The following EID2B variants were observed in gnomAD, a reference collection of about 807,000 sequenced individuals.
The protein encoded by EID2B is EP300 interacting inhibitor of differentiation 2B, also known as EP300-interacting inhibitor of differentiation 2B.
EID2B carries 6 observed loss-of-function variants against 5.9 expected under a neutral mutation model. That is an observed-to-expected ratio of 1.01 (90% CI 0.55 to 2.00). The LOEUF is 2.00. Among genes scored for constraint, EID2B ranks in the 30% most tolerant of loss-of-function variants. EID2B has a pLI of 0.00. For synonymous variants in EID2B, 94 were observed against 104.2 expected (o/e 0.90, Z 0.60); for missense variants, 234 against 228.1 (o/e 1.03, Z -0.17).
chr19:39,532,194 C>A lies in EID2B; in HGVS notation c.*123G>T. The A allele has an allele frequency of 1.7e-6, 2 of 1,201,430 alleles. No individual in the cohort carries two copies. The highest frequency in any genetic ancestry group is 2.3e-6 in the Non-Finnish European group (2 of 864,186). 74.4% of individuals were successfully genotyped at this position (1,201,430 alleles called of 1,614,324 possible). On this transcript the variant is annotated 3_prime_UTR_variant, in exon 1 of 1. Transcript: ENST00000326282. ...TCCTTCAATTGCACATTGCCGTATTCCCTTCCAGTTTGCATTCCCCCTAAT... is the reference window on the plus strand; with the variant it reads ...TCCTTCAATTGCACATTGCCGTATTACCTTCCAGTTTGCATTCCCCCTAAT...
In EID2B at chr19:39,532,817, T is replaced by C. The variant is rs551774889; in HGVS notation, c.-15A>G. 1 of 1,606,706 alleles carries C rather than the reference T, an allele frequency of 6.2e-7. No individual in the cohort carries two copies. The highest frequency in any genetic ancestry group is 8.5e-7 in the Non-Finnish European group (1 of 1,179,780). ...GGCTCCGCCATAGTCCCAGCGTTTC[T>C]ACGGAGACTGGAATAACGGCACTGC... On this transcript the variant is annotated 5_prime_UTR_variant, in exon 1 of 1. Coordinates refer to ENST00000326282, the MANE Select transcript of EID2B (RefSeq NM_152361.3).
Position 39,532,265 on chromosome 19 carries a change from C to T in EID2B, c.*52G>A. ...CACAGCCTGCCTGTTCTTTTGATCC[C>T]AAAAGGGTCACTTGGCTATTCCTTG... On this transcript the variant is annotated 3_prime_UTR_variant, in exon 1 of 1. Coordinates refer to ENST00000326282, the MANE Select transcript of EID2B (RefSeq NM_152361.3). 1 of 1,580,020 alleles carries T rather than the reference C, an allele frequency of 6.3e-7. No homozygotes were observed. The highest frequency in any genetic ancestry group is 2.3e-5 in the East Asian group (1 of 44,332).
rs528320963 is a variant in EID2B at position 39,532,142 on chromosome 19, T to C, written c.*175A>G. 49 of 702,908 alleles carry C rather than the reference T, an allele frequency of 7.0e-5. No individual in the cohort carries two copies. The highest frequency in any genetic ancestry group is 9.8e-5 in the Non-Finnish European group (42 of 427,980). 43.5% of individuals were successfully genotyped at this position (702,908 alleles called of 1,614,324 possible). On this transcript the variant is annotated 3_prime_UTR_variant, in exon 1 of 1. Coordinates refer to ENST00000326282, the MANE Select transcript of EID2B (RefSeq NM_152361.3). Reference sequence around the variant, plus strand: ...AAGAAAACAAGATTCAACAGTCTTGTCTGTTTCCATTTCGGAGTGTGCTTC... The same window carrying C: ...AAGAAAACAAGATTCAACAGTCTTGCCTGTTTCCATTTCGGAGTGTGCTTC...
At position 39,532,661 on chromosome 19, in the gene EID2B, C is replaced by G. The variant is rs1396045579; in HGVS notation, c.142G>C (p.Gly48Arg). 1.9e-6 allele frequency: 3 copies of G among 1,607,138 alleles called. No homozygotes were observed. The highest frequency in any genetic ancestry group is 2.2e-5 in the South Asian group (2 of 90,556). ...GACCGCGCAGCTTCGGCCACTGGGC[C>G]TTCCCGAGCCTCCTGCACCCGAACC... Reference protein sequence around the residue: ...GGVRVQEAREGPVAEAARSMA... With the variant: ...GGVRVQEARERPVAEAARSMA... The change falls in exon 1 of 1, where the codon GGC becomes CGC. Residue 48 changes from glycine (G) to arginine (R), a missense_variant. Gly to Arg is a moderately radical substitution (Grantham distance 125, BLOSUM62 -2). Coordinates refer to ENST00000326282, the MANE Select transcript of EID2B (RefSeq NM_152361.3).
In EID2B at chr19:39,532,344, G is replaced by A. The variant is rs766683534; in HGVS notation, c.459C>T (p.Ser153=). ...AVAFTVALTA[S]EALSPLAD Reference sequence around the variant, plus strand: ...AGTCGGCCAGAGGACTGAGGGCCTCGGAGGCAGTCAGCGCTACCGTAAACG... The same window carrying A: ...AGTCGGCCAGAGGACTGAGGGCCTCAGAGGCAGTCAGCGCTACCGTAAACG... The change falls in exon 1 of 1, where the codon TCC becomes TCT. Residue 153 remains serine, a synonymous_variant. Coordinates refer to ENST00000326282, the MANE Select transcript of EID2B (RefSeq NM_152361.3). 6.2e-7 allele frequency: 1 copy of A among 1,613,744 alleles called. No individual in the cohort carries two copies. The highest frequency in any genetic ancestry group is 8.5e-7 in the Non-Finnish European group (1 of 1,179,842).
rs756813648 is a variant in EID2B at position 39,532,369 on chromosome 19, G to A, written c.434C>T (p.Ala145Val). 2 of 1,614,006 alleles carry A rather than the reference G, an allele frequency of 1.2e-6. No individual in the cohort carries two copies. Among genetic ancestry groups the A allele is most frequent in the Admixed American group, 1.7e-5 (1 of 60,000 alleles). The change falls in exon 1 of 1, where the codon GCG (alanine) becomes GTG (valine). Residue 145 changes from alanine (A) to valine (V), a missense_variant. Transcript: ENST00000326282. ...GGAGGCAGTCAGCGCTACCGTAAACGCGACAGCAGCGAAGTCCATCTGCGG... is the reference window on the plus strand; with the variant it reads ...GGAGGCAGTCAGCGCTACCGTAAACACGACAGCAGCGAAGTCCATCTGCGG... ...DPPQMDFAAV[A>V]FTVALTASEA...
chr19:39,532,016 T>C lies in EID2B; in HGVS notation c.*301A>G, dbSNP rs971455236. The C allele has an allele frequency of 1.8e-5, 6 of 326,254 alleles. No individual in the cohort carries two copies. Among genetic ancestry groups the C allele is most frequent in the Non-Finnish European group, 2.8e-5 (5 of 176,968 alleles). The allele number at this position is 326,254 out of a possible 1,614,324, so 20.2% of individuals were successfully genotyped here. A position where few individuals can be genotyped will look rare whatever the true frequency, so the allele number is the denominator to read the frequency against. ...ACGCCTGTAAAGTAATCCCAGCACTTTGGGAGGCCGAAGCGGGAGGATCGC... is the reference window on the plus strand; with the variant it reads ...ACGCCTGTAAAGTAATCCCAGCACTCTGGGAGGCCGAAGCGGGAGGATCGC... On this transcript the variant is annotated 3_prime_UTR_variant, in exon 1 of 1. Coordinates refer to ENST00000326282, the MANE Select transcript of EID2B (RefSeq NM_152361.3).
In EID2B at chr19:39,532,426, T is replaced by C; in HGVS notation, c.377A>G (p.Lys126Arg). The change falls in exon 1 of 1, where the codon AAG becomes AGG. Residue 126 changes from lysine to arginine, a missense_variant. Coordinates refer to ENST00000326282, the MANE Select transcript of EID2B (RefSeq NM_152361.3). ...ERRRLFVEGC[K>R]AREAAFDADP... Reference sequence around the variant, plus strand: ...CGCGTCAAAGGCTGCTTCCCTCGCCTTGCAGCCTTCCACAAACAGCCTGCG... The same window carrying C: ...CGCGTCAAAGGCTGCTTCCCTCGCCCTGCAGCCTTCCACAAACAGCCTGCG... 6.2e-7 allele frequency: 1 copy of C among 1,614,180 alleles called. No homozygotes were observed. The highest frequency in any genetic ancestry group is 2.2e-5 in the East Asian group (1 of 44,884).
rs1389173360 is a variant in EID2B at position 39,532,639 on chromosome 19, C to G, written c.164G>C (p.Arg55Pro). The change falls in exon 1 of 1, where the codon CGG (arginine) becomes CCG (proline). Residue 55 changes from arginine to proline, a missense_variant. Coordinates refer to ENST00000326282, the MANE Select transcript of EID2B (RefSeq NM_152361.3). ...AGGGCCCGGCATCCGCGCCATGGAC[C>G]GCGCAGCTTCGGCCACTGGGCCTTC... is the stretch of plus-strand genomic sequence containing the variant. ...AREGPVAEAA[R>P]SMARMPGPVP... 4 of 1,607,604 alleles carry G rather than the reference C, an allele frequency of 2.5e-6. No homozygotes were observed. The South Asian group carries it at 4.4e-5, about 18-fold the overall frequency.
Position 39,532,665 on chromosome 19 carries a change from C to T in EID2B, c.138G>A (p.Arg46=), listed in dbSNP as rs1314254006. The change falls in exon 1 of 1, where the codon CGG becomes CGA. Residue 46 remains arginine (R), a synonymous_variant. Coordinates refer to ENST00000326282, the MANE Select transcript of EID2B (RefSeq NM_152361.3). The part of the protein sequence containing the change: ...VGGGVRVQEA[R]EGPVAEAARS... ...GCGCAGCTTCGGCCACTGGGCCTTC[C>T]CGAGCCTCCTGCACCCGAACCCCGC... The T allele has an allele frequency of 5.6e-6, 9 of 1,607,354 alleles. No individual in the cohort carries two copies. The highest frequency in any genetic ancestry group is 1.1e-5 in the South Asian group (1 of 90,542).
In EID2B at chr19:39,532,706, G is replaced by A; in HGVS notation, c.97C>T (p.Arg33Trp). 6.2e-7 allele frequency: 1 copy of A among 1,608,930 alleles called. No homozygotes were observed. The highest frequency in any genetic ancestry group is 8.5e-7 in the Non-Finnish European group (1 of 1,178,410). Residue 33 changes from arginine (R) to tryptophan (W), a missense_variant, in exon 1 of 1, where the codon CGG becomes TGG. Transcript: ENST00000326282. ...CGAACCCCGCCGCCGACTGCCCCCC[G>A]CAGTACGTCGCTGACGCCACTCGCG... ...GTASGVSDVL[R>W]GAVGGGVRVQ...
Position 39,532,780 on chromosome 19 carries a change from A to G in EID2B, c.23T>C (p.Leu8Ser), listed in dbSNP as rs1441058213. ...ATCTCCGGGGAGCTCGGACATCTCC[A>G]ACAGCCCAGTCGGCTCCGCCATAGT... MAEPTGL[L>S]EMSELPGDSS... is the part of the protein sequence containing the mutation. Residue 8 changes from leucine (L) to serine (S), a missense_variant, in exon 1 of 1, where the codon TTG (leucine) becomes TCG (serine). By Grantham distance (145) the Leu-to-Ser change is moderately radical. Transcript: ENST00000326282. 1 of 1,611,222 alleles carries G rather than the reference A, an allele frequency of 6.2e-7. No individual in the cohort carries two copies. Among genetic ancestry groups the G allele is most frequent in the African/African-American group, 1.3e-5 (1 of 74,948 alleles).
At position 39,531,795 on chromosome 19, in the gene EID2B, T is replaced by C. The variant is rs1030712916; in HGVS notation, c.*522A>G. 6.6e-6 allele frequency: 1 copy of C among 152,262 alleles called. No homozygotes were observed. Among genetic ancestry groups the C allele is most frequent in the African/African-American group, 2.4e-5 (1 of 41,432 alleles). The allele number at this position is 152,262 out of a possible 1,614,324, so 9.4% of individuals were successfully genotyped here. A position where few individuals can be genotyped will look rare whatever the true frequency, so the allele number is the denominator to read the frequency against. Reference sequence around the variant, plus strand: ...TGACAACTCTATTTCTTTGTTTTCTTTCATCACTTAGGTTCATTTCTATGG... The same window carrying C: ...TGACAACTCTATTTCTTTGTTTTCTCTCATCACTTAGGTTCATTTCTATGG... On this transcript the variant is annotated 3_prime_UTR_variant, in exon 1 of 1. Transcript: ENST00000326282.
chr19:39,532,603 G>A lies in EID2B; in HGVS notation c.200C>T (p.Pro67Leu), dbSNP rs771088143. 2 of 1,611,772 alleles carry A rather than the reference G, an allele frequency of 1.2e-6. No homozygotes were observed. Among genetic ancestry groups the A allele is most frequent in the African/African-American group, 2.7e-5 (2 of 75,004 alleles). ...CAGGCCCGGGACGCTGCTGGGGATG[G>A]GCCCGGGCACAGGGCCCGGCATCCG... ...MARMPGPVPG[P>L]IPSSVPGLAS... The change falls in exon 1 of 1, where the codon CCC (proline) becomes CTC (leucine). Residue 67 changes from proline (P) to leucine (L), a missense_variant. Physicochemically the swap from Pro to Leu is moderately conservative, Grantham distance 98 (BLOSUM62 -3). Transcript: ENST00000326282.
chr19:39,532,585 G>A lies in EID2B; in HGVS notation c.218C>T (p.Pro73Leu), dbSNP rs1458577439. The part of the protein sequence containing the change: ...PVPGPIPSSV[P>L]GLASAPDPHQ... ...GGGGTCTGGCGCGGAGGCCAGGCCC[G>A]GGACGCTGCTGGGGATGGGCCCGGG... Residue 73 changes from proline (P) to leucine (L), a missense_variant, in exon 1 of 1, where the codon CCG (proline) becomes CTG (leucine). Pro to Leu is a moderately conservative substitution (Grantham distance 98). Coordinates refer to ENST00000326282, the MANE Select transcript of EID2B (RefSeq NM_152361.3). The A allele has an allele frequency of 1.9e-6, 3 of 1,613,210 alleles. No homozygotes were observed. The highest frequency in any genetic ancestry group is 2.2e-5 in the East Asian group (1 of 44,878).
Position 39,532,803 on chromosome 19 carries a change from A to G in EID2B, c.-1T>C. 6.2e-7 allele frequency: 1 copy of G among 1,609,142 alleles called. No individual in the cohort carries two copies. The highest frequency in any genetic ancestry group is 8.5e-7 in the Non-Finnish European group (1 of 1,179,878). ...CCAACAGCCCAGTCGGCTCCGCCAT[A>G]GTCCCAGCGTTTCTACGGAGACTGG... On this transcript the variant is annotated 5_prime_UTR_variant, in exon 1 of 1. Transcript: ENST00000326282.
Position 39,532,760 on chromosome 19 carries a change from CG to C in EID2B, c.42del (p.Gly15GlufsTer74). 1 of 1,611,754 alleles carries C rather than the reference CG, an allele frequency of 6.2e-7. No individual in the cohort carries two copies. ...CCCACCTGTGGGACACTGCTATCTC[CG>C]GGGAGCTCGGACATCTCCAACAGCC... Reference protein sequence around the residue: ...PTGLLEMSELPGDSSVPQVGT... With the variant: ...PTGLLEMSELXGDSSVPQVGT... On this transcript the variant is annotated frameshift_variant, in exon 1 of 1. Transcript: ENST00000326282. LOFTEE classifies it high-confidence loss of function.
rs765926354 is a variant in EID2B at position 39,532,559 on chromosome 19, G to A, written c.244C>T (p.His82Tyr). ...ATTTCTAAGAAAGCGAGCTGCTGATGGGGGTCTGGCGCGGAGGCCAGGCCC... is the reference window on the plus strand; with the variant it reads ...ATTTCTAAGAAAGCGAGCTGCTGATAGGGGTCTGGCGCGGAGGCCAGGCCC... ...VPGLASAPDP[H>Y]QQLAFLEINR... The change falls in exon 1 of 1, where the codon CAT (histidine) becomes TAT (tyrosine). Residue 82 changes from histidine (H) to tyrosine (Y), a missense_variant. Physicochemically the swap from His to Tyr is moderately conservative, Grantham distance 83 (BLOSUM62 2). Transcript: ENST00000326282. The A allele has an allele frequency of 4.1e-5, 66 of 1,613,736 alleles. No homozygotes were observed. The highest frequency in any genetic ancestry group is 5.4e-5 in the Non-Finnish European group (64 of 1,179,994).
rs766470003 is a variant in EID2B at position 39,532,831 on chromosome 19, T to A, written c.-29A>T. 5.0e-6 allele frequency: 8 copies of A among 1,603,514 alleles called. No homozygotes were observed. In the African/African-American group the frequency reaches 6.7e-5, roughly 13 times the overall value. On this transcript the variant is annotated 5_prime_UTR_variant, in exon 1 of 1. Transcript: ENST00000326282. ...CCCAGCGTTTCTACGGAGACTGGAA[T>A]AACGGCACTGCACTGCTGTATGCGA... is the stretch of plus-strand genomic sequence containing the variant.
Sources: allele counts gnomAD v4.1 joint callset, GRCh38; gene constraint gnomAD v4.1.1; transcripts MANE v1.5; gene names NCBI Gene and HGNC (gene_info 2026-07-23, HGNC 2026-07-21).